FUBP1: variants seen among roughly 807,000 people sequenced by gnomAD.
The protein encoded by FUBP1 is far upstream element binding protein 1, also known as far upstream element-binding protein 1.
A neutral mutation model predicts 94.9 loss-of-function variants in FUBP1; 16 were observed. The observed-to-expected ratio is 0.17, with a 90% CI of 0.11 to 0.26. The LOEUF (loss-of-function observed/expected upper bound fraction) is 0.26. Among genes scored for constraint, FUBP1 ranks in the 10% least tolerant of loss-of-function variants. The pLI, the probability that FUBP1 is intolerant of heterozygous loss-of-function variation, is 1.00. For synonymous variants in FUBP1, 279 were observed against 254.9 expected (o/e 1.09, Z -0.90); for missense variants, 583 against 808.6 (o/e 0.72, Z 3.38).
In FUBP1 at chr1:77,964,709, T is replaced by A; in HGVS notation, c.774A>T (p.Gln258His). 1 of 1,613,392 alleles carries A rather than the reference T, an allele frequency of 6.2e-7. No individual in the cohort carries two copies. The highest frequency in any genetic ancestry group is 8.5e-7 in the Non-Finnish European group (1 of 1,179,316). ...CATTCCGAACTTCTCTGAAACCGCCTTGATCACGAATTAACTCTAACACCA... is the reference window on the plus strand; with the variant it reads ...CATTCCGAACTTCTCTGAAACCGCCATGATCACGAATTAACTCTAACACCA... The part of the protein sequence containing the change: ...KEMVLELIRD[Q>H]GGFREVRNEY... The change falls in exon 10 of 20, where the codon CAA becomes CAT. Residue 258 changes from glutamine (Q) to histidine (H), a missense_variant. Transcript: ENST00000370768.
At chr1:77,969,528 T>C (rs1273536620) in intron 2 of FUBP1, among the ~76,000 whole-genome samples, 3 of 151,918 alleles carry the variant, frequency 2.0e-5, no homozygotes, top group Non-Finnish European at 2.9e-5. Flanking sequence ...TAAGGTGCAA[T>C]TGGAAATAGA....
At chr1:77,976,525 C>CG (rs1229880425) in intron 1 of FUBP1, among the ~76,000 whole-genome samples, 1 of 150,884 alleles carries the variant, frequency 6.6e-6, no homozygotes, top group Non-Finnish European at 1.5e-5. Flanking sequence ...GACAGGGTCT[C>CG]GCTCTATGAC....
chr1:77,950,906 AAAAAAACCCTCT>A (rs1653336960), intron 18 of FUBP1, among the ~76,000 whole-genome samples: 1 of 152,126 alleles, frequency 6.6e-6, no homozygotes, highest in Non-Finnish European at 1.5e-5. Flanking sequence ...AAAATGCCTG[AAAAAAACCCTCT>A]TTTCTTGGGT....
At chr1:77,960,596 A>C (rs1655273810) in intron 14 of FUBP1, 101 bp from the exon 15 acceptor site, 4 of 978,542 alleles carry the variant, frequency 4.1e-6, no homozygotes, top group Non-Finnish European at 4.4e-6. Context: ...TTATAGTCAC[A>C]AATAACAAAT....
chr1:77,979,232 T>C, upstream of FUBP1: 1 of 530,316 alleles, frequency 1.9e-6, no homozygotes, highest in Non-Finnish European at 3.4e-6. Flanking sequence ...TCGCGAGGAT[T>C]AAGTTTAAGA....
rs1222731893 is a variant in FUBP1, at chr1:77,945,278, ATATT to A, written c.*3484_*3487del. ...CTCTCAAGTTTCAATGAGCCCCTTT[ATATT>A]ATCAATTGTACATACCTATCATTGA... On this transcript the variant is annotated 3_prime_UTR_variant, in exon 20 of 20. Transcript: ENST00000370768. 6.6e-6 allele frequency among the ~76,000 whole-genome samples: 1 copy of A among 152,016 alleles called. No individual in the cohort carries two copies. The highest frequency in any genetic ancestry group is 2.4e-5 in the African/African-American group (1 of 41,434).
At chr1:77,955,455 A>C in intron 17 of FUBP1, 126 bp from the exon 18 acceptor site, 1 of 641,744 alleles carries the variant, frequency 1.6e-6, no homozygotes, top group Non-Finnish European at 2.8e-6. Context: ...GGGAAGTACT[A>C]TGTGGTGGTG....
chr1:77,977,056 C>CTA (rs1201091328), intron 1 of FUBP1, among the ~76,000 whole-genome samples: 1 of 152,220 alleles, frequency 6.6e-6, no homozygotes, highest in Non-Finnish European at 1.5e-5. Flanking sequence ...CTAACAAACT[C>CTA]TATAAACACT....
At chr1:77,978,364 A>G (rs1264234443) in intron 1 of FUBP1, among the ~76,000 whole-genome samples, 1 of 152,228 alleles carries the variant, frequency 6.6e-6, no homozygotes, top group Non-Finnish European at 1.5e-5. Context: ...CCCGCCCAGA[A>G]AAAGGCTGCT....
At chr1:77,951,691 T>G (rs1380458824) in intron 18 of FUBP1, among the ~76,000 whole-genome samples, 1 of 152,212 alleles carries the variant, frequency 6.6e-6, no homozygotes, top group Non-Finnish European at 1.5e-5. Flanking sequence ...TTTATTATAG[T>G]TTTATAATTA....
Position 77,967,605 on chromosome 1 carries a change from T to G in FUBP1, c.290+22A>C, listed in dbSNP as rs767077156. 1.9e-6 allele frequency: 3 copies of G among 1,576,958 alleles called. No homozygotes were observed. In the African/African-American group the frequency reaches 4.0e-5, roughly 21 times the overall value. ...CTCAACCAAAACTTGCAGAGTACTT[T>G]TTGAAAATCTTGTGACTATACCTTT... On this transcript the variant is annotated intron_variant, in intron 4 of 19. Coordinates refer to ENST00000370768, the MANE Select transcript of FUBP1 (RefSeq NM_003902.5).
chr1:77,955,159 A>T, intron 18 of FUBP1, 96 bp downstream of exon 18: 1 of 652,762 alleles, frequency 1.5e-6, no homozygotes, highest in Non-Finnish European at 2.7e-6. Flanking sequence ...ATATGTTTAC[A>T]AGTCCAGTGA....
At chr1:77,973,407 A>G (rs1056040081) in intron 1 of FUBP1, among the ~76,000 whole-genome samples, 1 of 151,806 alleles carries the variant, frequency 6.6e-6, no homozygotes, top group Non-Finnish European at 1.5e-5. Flanking sequence ...CACCATGCTC[A>G]GCTAATTTTT....
intron 14 of FUBP1, among the ~76,000 whole-genome samples, chr1:77,961,855 T>C (rs1038891201): frequency 1.3e-5 from 2 of 152,222 alleles, no homozygotes; most frequent in African/African-American, 4.8e-5. Context: ...CCTCTTCATT[T>C]TTTGAACCAT....
chr1:77,962,886 T>C lies in FUBP1; in HGVS notation c.1228A>G (p.Ile410Val), dbSNP rs1655765819. ...GGTGGAGGATTTCTCTGAAGTTCTA[T>C]TCTTGCACCAGACTGCTGGCTTATG... ...KSISQQSGAR[I>V]ELQRNPPPNA... The change falls in exon 14 of 20, where the codon ATA becomes GTA. Residue 410 changes from isoleucine (I) to valine (V), a missense_variant. By Grantham distance (29) the Ile-to-Val change is conservative. Coordinates refer to ENST00000370768, the MANE Select transcript of FUBP1 (RefSeq NM_003902.5). 1.2e-6 allele frequency: 2 copies of C among 1,613,068 alleles called. No individual in the cohort carries two copies. The highest frequency in any genetic ancestry group is 8.5e-7 in the Non-Finnish European group (1 of 1,179,224).
At chr1:77,978,664 C>G (rs1447972823) in intron 1 of FUBP1, among the ~76,000 whole-genome samples, 3 of 152,206 alleles carry the variant, frequency 2.0e-5, no homozygotes, top group African/African-American at 7.2e-5. Context: ...GCCTTCTTTG[C>G]GTAGCACGCG....
Position 77,948,657 on chromosome 1 carries a change from T to A in FUBP1, c.*109A>T, listed in dbSNP as rs1652706610. 3 of 1,487,046 alleles carry A rather than the reference T, an allele frequency of 2.0e-6. No individual in the cohort carries two copies. The highest frequency in any genetic ancestry group is 2.7e-6 in the Non-Finnish European group (3 of 1,118,272). The allele number at this position is 1,487,046 out of a possible 1,614,324, so 92.1% of individuals were successfully genotyped here. On this transcript the variant is annotated 3_prime_UTR_variant, in exon 20 of 20. Transcript: ENST00000370768. Reference sequence around the variant, plus strand: ...AAAAAAAAAAAAGGAAACACTATTTTAAACCAAAAACAAAATTAAGATCTT... The same window carrying A: ...AAAAAAAAAAAAGGAAACACTATTTAAAACCAAAAACAAAATTAAGATCTT...
intron 1 of FUBP1, among the ~76,000 whole-genome samples, chr1:77,973,917 A>T (rs1658086712): frequency 6.6e-6 from 1 of 151,956 alleles, no homozygotes; most frequent in East Asian, 1.9e-4. Flanking sequence ...GTTCTATTTT[A>T]TTTTTTTAAT....
chr1:77,974,915 C>T (rs868082407), intron 1 of FUBP1, among the ~76,000 whole-genome samples: 12 of 152,128 alleles, frequency 7.9e-5, no homozygotes, highest in African/African-American at 2.9e-4. Context: ...GTTCCAGGAA[C>T]CATGCAAATA....
Sources: allele counts gnomAD v4.1 joint callset (sites outside exome capture counted in the v4.1 genomes callset), GRCh38; gene constraint gnomAD v4.1.1; transcripts MANE v1.5; gene names NCBI Gene and HGNC (gene_info 2026-07-23, HGNC 2026-07-21).